The following ACADSB variants were observed in gnomAD, a reference collection of about 807,000 sequenced individuals.
The protein encoded by ACADSB is short/branched chain specific acyl-CoA dehydrogenase, mitochondrial.
ACADSB carries 40 observed loss-of-function variants against 54.1 expected under a neutral mutation model. That is an observed-to-expected ratio of 0.74 (90% confidence interval 0.57 to 0.96). The LOEUF (loss-of-function observed/expected upper bound fraction) is 0.96, where lower values mean the gene tolerates loss of function less well. ACADSB is among the 40% of genes least tolerant of loss of function. ACADSB has a pLI of 0.00. For missense variants in ACADSB, 530 were observed against 510.4 expected, an observed-to-expected ratio of 1.04 and a Z score of -0.37; for synonymous variants, 182 against 182.8, an observed-to-expected ratio of 1.00 and a Z score of 0.03.
intron 1 of ACADSB, among the ~76,000 whole-genome samples, chr10:123,024,305 T>C (rs1421540841): frequency 3.3e-5 from 5 of 152,258 alleles, no homozygotes; most frequent in Non-Finnish European, 5.9e-5. Flanking sequence ...CCAGATTAGC[T>C]GCGCCACATG....
At chr10:123,026,239 C>A (rs1006449827) in intron 1 of ACADSB, among the ~76,000 whole-genome samples, 1 of 152,160 alleles carries the variant, frequency 6.6e-6, no homozygotes, top group African/African-American at 2.4e-5. Context: ...CTGAAAACAT[C>A]CAATCAGTAG....
rs1850720064 is a variant in ACADSB, at chr10:123,057,199, C to T, written c.*3434C>T. On this transcript the variant is annotated 3_prime_UTR_variant, in exon 11 of 11. Coordinates refer to ENST00000358776, the MANE Select transcript of ACADSB (RefSeq NM_001609.4). ...AAACATGTGAAAGTACAATAAACTT[C>T]TTGTTCAAATTACCAGCATCAGAGA... 6.6e-6 allele frequency: 1 copy of T among 152,190 alleles called. No homozygotes were observed. The highest frequency in any genetic ancestry group is 1.5e-5 in the Non-Finnish European group (1 of 68,026). The allele number at this position is 152,190 out of a possible 1,614,324, so 9.4% of individuals were successfully genotyped here.
intron 9 of ACADSB, among the ~76,000 whole-genome samples, chr10:123,051,704 A>G (rs1850636023): frequency 6.6e-6 from 1 of 152,242 alleles, no homozygotes; most frequent in African/African-American, 2.4e-5. Flanking sequence ...GACTGAGGCT[A>G]GAGAATTTAG....
rs1181236602 is a variant in ACADSB at position 123,053,917 on chromosome 10, T to G, written c.*152T>G. On this transcript the variant is annotated 3_prime_UTR_variant, in exon 11 of 11. Coordinates refer to ENST00000358776, the MANE Select transcript of ACADSB (RefSeq NM_001609.4). The stretch of plus-strand genomic sequence containing the variant: ...CTTAGTCAGGGTCCTGGTGTTGGCC[T>G]TTTTGGTTTTCTCTTTTCAGGCTGT... 4 of 738,656 alleles carry G rather than the reference T, an allele frequency of 5.4e-6. No homozygotes were observed. In the Admixed American group the frequency reaches 9.3e-5, roughly 17 times the overall value. The allele number at this position is 738,656 out of a possible 1,614,324, so 45.8% of individuals were successfully genotyped here. A position where few individuals can be genotyped will look rare whatever the true frequency, so the allele number is the denominator to read the frequency against.
At chr10:123,041,666 A>G (rs1850475530) in intron 5 of ACADSB, among the ~76,000 whole-genome samples, 1 of 152,250 alleles carries the variant, frequency 6.6e-6, no homozygotes, top group Non-Finnish European at 1.5e-5. Flanking sequence ...TCCAAAAAGT[A>G]AAACTTGAAT....
intron 7 of ACADSB, among the ~76,000 whole-genome samples, chr10:123,045,860 T>C (rs913952599): frequency 1.3e-5 from 2 of 152,212 alleles, no homozygotes; most frequent in African/African-American, 4.8e-5. Context: ...AATAACCTAA[T>C]TAAAAGTTAA....
chr10:123,052,954 C>A lies in ACADSB; in HGVS notation c.1129-107C>A. ...AGTTTAGAAGATAACTTTAGTCCTT[C>A]CAGTGCCACTAACAGTAAATCCATG... On this transcript the variant is annotated intron_variant, in intron 9 of 10. Transcript: ENST00000358776. The surrounding 1 kb of genome is among the most constrained non-coding windows in gnomAD (Gnocchi z 4.2). 1 of 831,058 alleles carries A rather than the reference C, an allele frequency of 1.2e-6. No homozygotes were observed. Among genetic ancestry groups the A allele is most frequent in the Non-Finnish European group, 2.1e-6 (1 of 483,052 alleles). The allele number at this position is 831,058 out of a possible 1,614,324, so 51.5% of individuals were successfully genotyped here. A position where few individuals can be genotyped will look rare whatever the true frequency, so the allele number is the denominator to read the frequency against.
In ACADSB at chr10:123,047,265, G is replaced by C. The variant is rs942868788; in HGVS notation, c.957G>C (p.Arg319Ser). ...FDYTIPYIKERIQFGKRLFDF... is the reference protein window; with the variant it reads ...FDYTIPYIKESIQFGKRLFDF... ...ACACTATTCCATATATTAAAGAAAG[G>C]ATACAATTTGGCAAAAGACTATTTG... The change falls in exon 8 of 11, where the codon AGG (arginine) becomes AGC (serine). Residue 319 changes from arginine to serine, a missense_variant. By Grantham distance (110) the Arg-to-Ser change is moderately radical. Coordinates refer to ENST00000358776, the MANE Select transcript of ACADSB (RefSeq NM_001609.4). 5.6e-6 allele frequency: 9 copies of C among 1,608,470 alleles called. No individual in the cohort carries two copies. Among genetic ancestry groups the C allele is most frequent in the Non-Finnish European group, 7.7e-6 (9 of 1,174,800 alleles).
At chr10:123,051,734 T>C (rs569465552) in intron 9 of ACADSB, among the ~76,000 whole-genome samples, 6 of 152,360 alleles carry the variant, frequency 3.9e-5, no homozygotes, top group African/African-American at 1.4e-4. Flanking sequence ...TGGGCAGCTG[T>C]TTCGTAGCCT....
intron 8 of ACADSB, among the ~76,000 whole-genome samples, chr10:123,049,861 G>A (rs1850605919): frequency 6.6e-6 from 1 of 152,166 alleles, no homozygotes; most frequent in Non-Finnish European, 1.5e-5. Context: ...AAAGGTTTTT[G>A]TAAACAGACA....
At chr10:123,011,527 C>CT (rs35312878) in intron 1 of ACADSB, among the ~76,000 whole-genome samples, 21,600 of 139,314 alleles carry the variant, frequency 0.16, 1,741 homozygotes, top group Middle Eastern at 0.2. Flanking sequence ...AGCTTGATAT[C>CT]TTTTTTTTTT....
chr10:123,017,208 A>G (rs1163656342), intron 1 of ACADSB, among the ~76,000 whole-genome samples: 1 of 152,256 alleles, frequency 6.6e-6, no homozygotes, highest in Non-Finnish European at 1.5e-5. Flanking sequence ...TTCTTTGAAA[A>G]TAGAAGTGAG....
intron 1 of ACADSB, among the ~76,000 whole-genome samples, chr10:123,018,749 C>T (rs930641082): frequency 2.6e-5 from 4 of 152,296 alleles, no homozygotes; most frequent in African/African-American, 9.6e-5. Flanking sequence ...AGCAAAGGCA[C>T]GTCTTACATA....
At chr10:123,041,065 A>G in intron 4 of ACADSB, 144 bp from the exon 5 acceptor site, 1 of 922,558 alleles carries the variant, frequency 1.1e-6, no homozygotes, top group Non-Finnish European at 1.6e-6. Context: ...TACTTTCAGA[A>G]TACCATTGCT....
At chr10:123,028,482 T>C (rs946984016) in intron 1 of ACADSB, among the ~76,000 whole-genome samples, 1 of 152,022 alleles carries the variant, frequency 6.6e-6, no homozygotes, top group Non-Finnish European at 1.5e-5. Flanking sequence ...CTGGGTAACA[T>C]AGCAAGACTG....
intron 1 of ACADSB, among the ~76,000 whole-genome samples, chr10:123,014,745 G>A (rs1468393712): frequency 6.6e-6 from 1 of 152,224 alleles, no homozygotes; most frequent in African/African-American, 2.4e-5. Context: ...GGGCAGATAT[G>A]CTTATAGGAG....
At chr10:123,042,923 A>C in intron 5 of ACADSB, 123 bp from the exon 6 acceptor site, 3 of 1,076,308 alleles carry the variant, frequency 2.8e-6, no homozygotes, top group Non-Finnish European at 4.1e-6. Context: ...CCCATGTTGC[A>C]ATTCTGAGTC....
chr10:123,021,429 G>T (rs1250177843), intron 1 of ACADSB, among the ~76,000 whole-genome samples: 1 of 152,136 alleles, frequency 6.6e-6, no homozygotes, highest in African/African-American at 2.4e-5. Context: ...TCTTTTACAA[G>T]ATTAATTTTT....
Position 123,053,736 on chromosome 10 carries a change from A to T in ACADSB, c.1270A>T (p.Ile424Phe). 4 of 1,614,116 alleles carry T rather than the reference A, an allele frequency of 2.5e-6. No individual in the cohort carries two copies. Among genetic ancestry groups the T allele is most frequent in the East Asian group, 2.2e-5 (1 of 44,880 alleles). Residue 424 changes from isoleucine to phenylalanine, a missense_variant, in exon 11 of 11, where the codon ATT becomes TTT. Physicochemically the swap from Ile to Phe is conservative, Grantham distance 21. Coordinates refer to ENST00000358776, the MANE Select transcript of ACADSB (RefSeq NM_001609.4). ...AGCTTCCAACATCCAGTTGAACACC[A>T]TTGCAAAGCATATCGATGCAGAATA... Reference protein sequence around the residue: ...EGASNIQLNTIAKHIDAEY With the variant: ...EGASNIQLNTFAKHIDAEY
Sources: gnomAD v4.1 joint callset for allele counts (sites outside exome capture counted in the v4.1 genomes callset) on GRCh38, gnomAD v4.1.1 for gene constraint, Gnocchi (gnomAD v3.1) non-coding constraint, MANE v1.5 for transcripts, NCBI Gene and HGNC (gene_info 2026-07-23, HGNC 2026-07-21) for gene names.